The following RSF1 variants were observed in gnomAD, a reference collection of about 807,000 sequenced individuals.
The protein encoded by RSF1 is HBV pX-associated protein 8.
A neutral mutation model predicts 145.2 loss-of-function variants in RSF1; 13 were observed. That is an observed-to-expected ratio of 0.09 (90% CI 0.06 to 0.14). The LOEUF is 0.14. RSF1 is among the 10% of genes least tolerant of loss of function. The pLI, the probability that RSF1 is intolerant of heterozygous loss-of-function variation, is 1.00. For missense variants in RSF1, 1,517 were observed against 1,718.2 expected, an observed-to-expected ratio of 0.88 and a Z score of 2.07; for synonymous variants, 577 against 592.6, an observed-to-expected ratio of 0.97 and a Z score of 0.38.
chr11:77,703,235 A>G (rs1960466344), intron 5 of RSF1: 1 of 152,204 alleles, frequency 6.6e-6, no homozygotes, highest in Non-Finnish European at 1.5e-5. Flanking sequence ...GAAACTGTTT[A>G]GATTTATCTG....
chr11:77,790,851 G>A (rs1449398262), intron 1 of RSF1, among the ~76,000 whole-genome samples: 2 of 152,180 alleles, frequency 1.3e-5, no homozygotes, highest in Non-Finnish European at 2.9e-5. Context: ...GGGCAGCTCC[G>A]CCCCTGTGGC....
intron 9 of RSF1, among the ~76,000 whole-genome samples, chr11:77,689,610 A>G (rs1220929878): frequency 6.6e-6 from 1 of 152,180 alleles, no homozygotes; most frequent in Non-Finnish European, 1.5e-5. Flanking sequence ...ATTTTATCAT[A>G]TCATTGGTTC....
intron 13 of RSF1, among the ~76,000 whole-genome samples, chr11:77,675,890 G>A (rs1293441073): frequency 6.6e-6 from 1 of 152,070 alleles, no homozygotes. Context: ...CCCTTCACTG[G>A]TTTTGTATAA....
At chr11:77,672,890 C>CCAGGCTGGT (rs1463559188) in intron 14 of RSF1, among the ~76,000 whole-genome samples, 2 of 152,140 alleles carry the variant, frequency 1.3e-5, no homozygotes, top group African/African-American at 4.8e-5. Context: ...GCCATGTTGG[C>CCAGGCTGGT]CAGGCTGGTC....
chr11:77,669,070 C>A (rs1272565523), intron 15 of RSF1, among the ~76,000 whole-genome samples: 1 of 152,224 alleles, frequency 6.6e-6, no homozygotes, highest in African/African-American at 2.4e-5. Flanking sequence ...GCCCTGTGGT[C>A]TCTACCAACT....
chr11:77,695,534 A>G (rs1008541740), intron 7 of RSF1, among the ~76,000 whole-genome samples: 5 of 152,126 alleles, frequency 3.3e-5, no homozygotes, highest in African/African-American at 1.2e-4. Context: ...CCATGGACAC[A>G]ATGGAAGCTC....
chr11:77,712,674 A>G (rs1039493008), intron 5 of RSF1, among the ~76,000 whole-genome samples: 2 of 152,118 alleles, frequency 1.3e-5, no homozygotes, highest in African/African-American at 2.4e-5. Flanking sequence ...CATTTTCTTA[A>G]TGGTGATTTT....
chr11:77,744,520 G>A (rs1445549935), intron 3 of RSF1, among the ~76,000 whole-genome samples: 3 of 152,028 alleles, frequency 2.0e-5, no homozygotes, highest in African/African-American at 7.2e-5. Flanking sequence ...GCCCAGGCTG[G>A]TGTTGAACTC....
chr11:77,753,745 C>T (rs907273627), intron 2 of RSF1, among the ~76,000 whole-genome samples: 2 of 152,224 alleles, frequency 1.3e-5, no homozygotes, highest in African/African-American at 4.8e-5. Context: ...GGTAACAAGA[C>T]ATGCAACTTC....
the RSF1 span, among the ~76,000 whole-genome samples, chr11:77,846,835 AT>A: frequency 6.6e-6 from 1 of 151,946 alleles, no homozygotes; most frequent in Admixed American, 6.6e-5. Flanking sequence ...TAAGTTGACA[AT>A]TTTTTTTAGA....
Position 77,667,276 on chromosome 11 carries a change from G to A in RSF1, c.3967C>T (p.Arg1323Cys), listed in dbSNP as rs752853407. 35 of 1,613,982 alleles carry A rather than the reference G, an allele frequency of 2.2e-5. 1 individual carries two copies. In the Middle Eastern group the frequency reaches 1.5e-3, roughly 68 times the overall value. The change falls in exon 16 of 16, where the codon CGT becomes TGT. Residue 1323 changes from arginine to cysteine, a missense_variant. Physicochemically the swap from Arg to Cys is radical, Grantham distance 180. Around this residue, in one of 12 missense-constraint regions of RSF1, gnomAD observed 240 missense variants for 231.8 expected, o/e 1.04. Coordinates refer to ENST00000308488, the MANE Select transcript of RSF1 (RefSeq NM_016578.4). Reference sequence around the variant, plus strand: ...GGCAGGACCCTAGGCTGGCTGTCACGGGCAGGCTGATTTGCATCTCCATGA... The same window carrying A: ...GGCAGGACCCTAGGCTGGCTGTCACAGGCAGGCTGATTTGCATCTCCATGA... Reference protein sequence around the residue: ...NAHGDANQPARDSQPRVLPSE... With the variant: ...NAHGDANQPACDSQPRVLPSE...
At chr11:77,734,665 A>G (rs189219720) in intron 4 of RSF1, 11 of 1,420,632 alleles carry the variant, frequency 7.7e-6, no homozygotes, top group Admixed American at 1.7e-5. Context: ...GTCAGTGGCC[A>G]ATTTGTGCAG....
intron 7 of RSF1, 107 bp downstream of exon 7, chr11:77,698,380 A>T (rs1960334135): frequency 6.7e-6 from 6 of 890,664 alleles, no homozygotes; most frequent in Non-Finnish European, 1.1e-5. Context: ...CATACAAGTT[A>T]TCATTAAGAA....
chr11:77,737,549 T>C (rs1411155970), intron 4 of RSF1, among the ~76,000 whole-genome samples: 9 of 151,450 alleles, frequency 5.9e-5, no homozygotes, highest in African/African-American at 1.7e-4. Context: ...TTCTGAACAA[T>C]TGCCACATAC....
At chr11:77,821,129 G>A, upstream of RSF1, 2 of 414,998 alleles carry the variant, frequency 4.8e-6, no homozygotes, top group Non-Finnish European at 8.5e-6. Context: ...ACTGCAGGGC[G>A]TATTCCCGGA....
chr11:77,841,088 A>G, the RSF1 span: 6 of 667,198 alleles, frequency 9.0e-6, no homozygotes, highest in Non-Finnish European at 1.6e-5. Flanking sequence ...GCATCATCCT[A>G]TAGTGGAAGT....
intron 4 of RSF1, among the ~76,000 whole-genome samples, chr11:77,737,421 C>A (rs911659303): frequency 6.6e-6 from 1 of 151,406 alleles, no homozygotes. Context: ...GCACTCCACA[C>A]TGCAGCCTGG....
At chr11:77,830,524 T>C in the RSF1 span, among the ~76,000 whole-genome samples, 3 of 126,704 alleles carry the variant, frequency 2.4e-5, no homozygotes, top group Admixed American at 9.3e-5. Context: ...GCCTAATAAA[T>C]ATGGAGGGCT....
chr11:77,840,594 A>G, the RSF1 span, among the ~76,000 whole-genome samples: 1 of 152,248 alleles, frequency 6.6e-6, no homozygotes, highest in African/African-American at 2.4e-5. Context: ...AACATAAAAG[A>G]AACTGGGTAT....
Sources: gnomAD v4.1 joint callset for allele counts (sites outside exome capture counted in the v4.1 genomes callset) on GRCh38, gnomAD v4.1.1 for gene constraint, gnomAD v4.1.1 regional missense constraint, MANE v1.5 for transcripts, NCBI Gene and HGNC (gene_info 2026-07-23, HGNC 2026-07-21) for gene names.